Variants in ZNF407 observed in about 807,000 individuals in gnomAD.
ZNF407 encodes zinc finger protein 407.
A neutral mutation model predicts 131.2 loss-of-function variants in ZNF407; 17 were observed. That is an observed-to-expected ratio of 0.13 (90% CI 0.09 to 0.19). The LOEUF (loss-of-function observed/expected upper bound fraction) is 0.19. ZNF407 is among the 10% of genes least tolerant of loss of function. The pLI is 1.00. For synonymous variants in ZNF407, 1,156 were observed against 1,062.0 expected (o/e 1.09, Z -1.72); for missense variants, 2,681 against 2,830.6 (o/e 0.95, Z 1.20).
chr18:74,621,178 T>A (rs1012519543), intron 1 of ZNF407, among the ~76,000 whole-genome samples: 18 of 152,170 alleles, frequency 1.2e-4, no homozygotes, highest in Admixed American at 7.2e-4. Context: ...GTACATGAGA[T>A]GTTTTGGTAC....
At chr18:74,677,885 A>G (rs1024747326) in intron 3 of ZNF407, among the ~76,000 whole-genome samples, 5 of 152,068 alleles carry the variant, frequency 3.3e-5, no homozygotes, top group Admixed American at 2.6e-4. Context: ...GCAGTGGCCG[A>G]TTTTGGCTCA....
At chr18:74,623,086 G>A (rs75826365) in intron 1 of ZNF407, among the ~76,000 whole-genome samples, 1 of 150,728 alleles carries the variant, frequency 6.6e-6, no homozygotes, top group East Asian at 1.9e-4. Flanking sequence ...ATCTGTATCA[G>A]TGTGTGAGTG....
chr18:74,963,423 C>T (rs1296282887), intron 8 of ZNF407, among the ~76,000 whole-genome samples: 3 of 152,158 alleles, frequency 2.0e-5, no homozygotes, highest in African/African-American at 7.2e-5. Context: ...GTAATATTTT[C>T]AGAGCATCAT....
chr18:74,920,410 A>G (rs1332415408), intron 7 of ZNF407, 104 bp from the exon 8 acceptor site: 2 of 956,520 alleles, frequency 2.1e-6, no homozygotes, highest in Non-Finnish European at 1.5e-6. Flanking sequence ...AGCACTTAAA[A>G]TAGTACCAAA....
intron 8 of ZNF407, among the ~76,000 whole-genome samples, chr18:74,977,528 C>G (rs572574079): frequency 2.0e-5 from 3 of 152,226 alleles, no homozygotes; most frequent in Non-Finnish European, 4.4e-5. Context: ...TAAGCCCCTT[C>G]TTGACTTTAA....
chr18:74,810,039 T>C (rs971705430), intron 4 of ZNF407, among the ~76,000 whole-genome samples: 5 of 152,168 alleles, frequency 3.3e-5, no homozygotes, highest in Non-Finnish European at 7.4e-5. Context: ...TGCTAATCAA[T>C]AGATAGGTTT....
chr18:74,927,271 C>G (rs1413569182), intron 8 of ZNF407, among the ~76,000 whole-genome samples: 2 of 152,212 alleles, frequency 1.3e-5, no homozygotes, highest in African/African-American at 4.8e-5. Flanking sequence ...CACCTGTCTT[C>G]AGAGTCTTAC....
At chr18:75,057,574 G>C (rs150833034) in intron 8 of ZNF407, among the ~76,000 whole-genome samples, 1 of 152,190 alleles carries the variant, frequency 6.6e-6, no homozygotes, top group Admixed American at 6.5e-5. Context: ...CAGCCAGCAC[G>C]TGTGCGGCCG....
chr18:74,838,491 C>G (rs992254456), intron 4 of ZNF407, among the ~76,000 whole-genome samples: 1 of 152,128 alleles, frequency 6.6e-6, no homozygotes, highest in Non-Finnish European at 1.5e-5. Context: ...TTCATTTCCC[C>G]CTCTCTTTTC....
At chr18:74,605,562 C>CA (rs1438892215) in intron 1 of ZNF407, among the ~76,000 whole-genome samples, 1 of 151,924 alleles carries the variant, frequency 6.6e-6, no homozygotes, top group Non-Finnish European at 1.5e-5. Flanking sequence ...ATTAAAAAAT[C>CA]AAAAAATCAT....
chr18:74,676,989 C>T (rs937611777), intron 3 of ZNF407, among the ~76,000 whole-genome samples: 1 of 152,170 alleles, frequency 6.6e-6, no homozygotes, highest in African/African-American at 2.4e-5. Flanking sequence ...TTCATCCTTT[C>T]CCCACCTTTT....
chr18:74,677,446 T>G (rs1986439319), intron 3 of ZNF407, among the ~76,000 whole-genome samples: 1 of 152,204 alleles, frequency 6.6e-6, no homozygotes, highest in Non-Finnish European at 1.5e-5. Context: ...CCTTCTGCCC[T>G]CAAAATATTC....
intron 4 of ZNF407, among the ~76,000 whole-genome samples, chr18:74,814,975 G>C (rs1970247953): frequency 6.7e-6 from 1 of 149,564 alleles, no homozygotes; most frequent in Non-Finnish European, 1.5e-5. Context: ...TCAAAATTTT[G>C]TTTACATTAT....
chr18:74,705,382 T>C (rs1568175053), intron 3 of ZNF407, among the ~76,000 whole-genome samples: 1 of 152,200 alleles, frequency 6.6e-6, no homozygotes, highest in Non-Finnish European at 1.5e-5. Context: ...TGAATAGGAC[T>C]GTCTTTGGAA....
intron 1 of ZNF407, among the ~76,000 whole-genome samples, chr18:74,607,321 A>G (rs935705825): frequency 6.6e-6 from 1 of 152,198 alleles, no homozygotes; most frequent in Non-Finnish European, 1.5e-5. Flanking sequence ...TAGCCTCAGC[A>G]TCACCTGATG....
intron 8 of ZNF407, among the ~76,000 whole-genome samples, chr18:75,053,761 T>C (rs1221683082): frequency 6.6e-6 from 1 of 152,204 alleles, no homozygotes; most frequent in African/African-American, 2.4e-5. Flanking sequence ...CTGCCGTGTG[T>C]AGAAAAGGCT....
At chr18:75,015,878 G>C (rs1270471805) in intron 8 of ZNF407, among the ~76,000 whole-genome samples, 30 of 151,890 alleles carry the variant, frequency 2.0e-4, no homozygotes, top group Admixed American at 2.0e-3. Flanking sequence ...GCAGTTATCA[G>C]GTAATCAGAG....
chr18:74,754,920 A>G (rs909157129), intron 3 of ZNF407, among the ~76,000 whole-genome samples: 2 of 152,140 alleles, frequency 1.3e-5, no homozygotes, highest in Non-Finnish European at 1.5e-5. Flanking sequence ...TTTCTGTCTC[A>G]TTGATCTGTC....
At chr18:74,886,987 C>T (rs1000415452) in intron 6 of ZNF407, among the ~76,000 whole-genome samples, 2 of 152,094 alleles carry the variant, frequency 1.3e-5, no homozygotes, top group Non-Finnish European at 2.9e-5. Context: ...TAGCCTAGTG[C>T]TTCCTTTGTG....
Sources: gnomAD v4.1 joint callset for allele counts (sites outside exome capture counted in the v4.1 genomes callset) on GRCh38, gnomAD v4.1.1 for gene constraint, MANE v1.5 for transcripts, NCBI Gene and HGNC (gene_info 2026-07-23, HGNC 2026-07-21) for gene names.